Variants in PCDHA5 observed in about 807,000 individuals in gnomAD.
PCDHA5 encodes the protein protocadherin alpha-5.
In PCDHA5, 43 loss-of-function variants were observed where a neutral mutation model predicts 61.6. The ratio of observed to expected loss-of-function variants is 0.70; its 90% confidence interval spans 0.55 to 0.90. The LOEUF (loss-of-function observed/expected upper bound fraction) is 0.90. PCDHA5 is among the 40% of genes least tolerant of loss of function. The pLI is 0.00. For synonymous variants in PCDHA5, 627 were observed against 543.9 expected (o/e 1.15, Z -2.13); for missense variants, 1,298 against 1,222.7 (o/e 1.06, Z -0.92).
intron 1 of PCDHA5, chr5:140,867,574 C>T (rs1581813828): frequency 6.6e-6 from 1 of 152,044 alleles, no homozygotes; most frequent in East Asian, 1.9e-4. Context: ...TTCATATGCC[C>T]TTGCAGTATT....
intron 1 of PCDHA5, chr5:140,864,182 TA>T: frequency 6.6e-6 from 1 of 152,352 alleles, no homozygotes; most frequent in East Asian, 1.9e-4. Context: ...TCATGATGAA[TA>T]ATGATCCTTA....
intron 1 of PCDHA5, chr5:140,864,553 T>C (rs575186227): frequency 3.0e-4 from 45 of 152,314 alleles, no homozygotes; most frequent in African/African-American, 1.1e-3. Context: ...TTCTTATAAT[T>C]TCATTTTAGG....
chr5:140,959,060 T>C (rs1201389008), intron 1 of PCDHA5, among the ~76,000 whole-genome samples: 1 of 152,138 alleles, frequency 6.6e-6, no homozygotes, highest in Admixed American at 6.5e-5. Context: ...AAATGCAGTA[T>C]ATATAGAATT....
intron 1 of PCDHA5, chr5:140,967,116 G>A: frequency 1.2e-6 from 2 of 1,612,922 alleles, no homozygotes; most frequent in Non-Finnish European, 1.7e-6. Context: ...CGGCCTCGCT[G>A]CCTGCTCAGC....
intron 1 of PCDHA5, chr5:140,870,750 G>C: frequency 1.2e-6 from 2 of 1,613,506 alleles, no homozygotes; most frequent in Non-Finnish European, 1.7e-6. Flanking sequence ...GCAACGTGAC[G>C]CTGCAGGTGT....
chr5:140,933,739 G>A (rs531821370), intron 1 of PCDHA5, among the ~76,000 whole-genome samples: 18 of 151,856 alleles, frequency 1.2e-4, no homozygotes, highest in Admixed American at 3.9e-4. Flanking sequence ...TTAAATATTT[G>A]GTAGAATTCA....
In PCDHA5 at chr5:141,006,011, G is replaced by A. The variant is rs146101776; in HGVS notation, c.2501-3616G>A. Among the ~76,000 whole-genome samples the A allele has an allele frequency of 2.7e-3, 408 of 151,544 alleles. 2 individuals carry two copies. Among genetic ancestry groups the A allele is most frequent in the African/African-American group, 8.8e-3 (365 of 41,422 alleles). Reference sequence around the variant, plus strand: ...GAGGATCTGAAAGAAGGCCTGTATGGTTGGAGTATAATAGTAAGAGGGAGA... The same window carrying A: ...GAGGATCTGAAAGAAGGCCTGTATGATTGGAGTATAATAGTAAGAGGGAGA... On this transcript the variant is annotated intron_variant, in intron 3 of 3. Coordinates refer to ENST00000529859, the MANE Select transcript of PCDHA5 (RefSeq NM_018908.3).
intron 1 of PCDHA5, among the ~76,000 whole-genome samples, chr5:140,890,494 C>A (rs1554184398): frequency 1.3e-5 from 2 of 152,064 alleles, no homozygotes; most frequent in South Asian, 4.1e-4. Context: ...TTTGTCTCAC[C>A]ATTTTTATGT....
chr5:140,856,169 G>C lies in PCDHA5; in HGVS notation c.2352+32042G>C, dbSNP rs200441286. ...CTCAGTCTACGAGGAGGCCAGACAC[G>C]GCACCTTCGTGGGCCGCATCGCGCA... On this transcript the variant is annotated intron_variant, in intron 1 of 3. Coordinates refer to ENST00000529859, the MANE Select transcript of PCDHA5 (RefSeq NM_018908.3). 4 of 1,598,346 alleles carry C rather than the reference G, an allele frequency of 2.5e-6. 1 individual carries two copies. Among genetic ancestry groups the C allele is most frequent in the Non-Finnish European group, 3.4e-6 (4 of 1,167,908 alleles).
intron 3 of PCDHA5, among the ~76,000 whole-genome samples, chr5:140,997,684 G>A (rs2097780776): frequency 6.6e-6 from 1 of 152,116 alleles, no homozygotes; most frequent in African/African-American, 2.4e-5. Context: ...GTGTGTGTGT[G>A]TGTGTGTGTG....
intron 1 of PCDHA5, chr5:140,834,860 T>C: frequency 6.2e-7 from 1 of 1,610,304 alleles, no homozygotes; most frequent in Non-Finnish European, 8.5e-7. Flanking sequence ...GCGCGTCCGA[T>C]GCAGATATCG....
At chr5:140,884,461 G>C in intron 1 of PCDHA5, 3 of 1,613,764 alleles carry the variant, frequency 1.9e-6, no homozygotes, top group Non-Finnish European at 2.5e-6. Context: ...CCGAGGGCGC[G>C]TGCGCGCCGG....
Position 140,856,573 on chromosome 5 carries a change from G to A in PCDHA5, c.2352+32446G>A, listed in dbSNP as rs1168113677. 4.4e-6 allele frequency: 7 copies of A among 1,597,600 alleles called. No individual in the cohort carries two copies. The African/African-American group carries it at 5.4e-5, about 12-fold the overall frequency. ...TTACTTACAAACTCAGTCCAAATGA[G>A]TATTTTGTTCTTGATATTATAAACA... On this transcript the variant is annotated intron_variant, in intron 1 of 3. Transcript: ENST00000529859.
intron 1 of PCDHA5, chr5:140,868,793 C>T: frequency 3.1e-6 from 1 of 326,092 alleles, no homozygotes; most frequent in Non-Finnish European, 5.5e-6. Context: ...CTGAATATTC[C>T]ATAAATAAGC....
chr5:140,842,381 T>A (rs2150334920), intron 1 of PCDHA5: 1 of 1,610,534 alleles, frequency 6.2e-7, no homozygotes, highest in South Asian at 1.1e-5. Context: ...AGCACTGACT[T>A]CCTTATCCTT....
intron 1 of PCDHA5, among the ~76,000 whole-genome samples, chr5:140,889,446 TTAATC>T (rs1274795213): frequency 7.2e-5 from 11 of 152,204 alleles, no homozygotes; most frequent in African/African-American, 2.4e-4. Flanking sequence ...ATTTTCCTGT[TTAATC>T]TAAATTTTCA....
intron 1 of PCDHA5, chr5:140,927,539 A>G (rs1554204701): frequency 6.2e-7 from 1 of 1,614,112 alleles, no homozygotes; most frequent in Non-Finnish European, 8.5e-7. Flanking sequence ...CGCTCAGGAG[A>G]CGCACAAGTC....
intron 1 of PCDHA5, chr5:140,877,101 G>T (rs375706181): frequency 6.8e-6 from 11 of 1,613,354 alleles, no homozygotes; most frequent in Non-Finnish European, 9.3e-6. Flanking sequence ...CCGGCGTGCC[G>T]CCTCTGGGCA....
At chr5:140,847,405 A>T (rs2150400080) in intron 1 of PCDHA5, 5 of 149,702 alleles carry the variant, frequency 3.3e-5, no homozygotes, top group African/African-American at 1.2e-4. Context: ...GGCACAATAA[A>T]CACTCACGGT....
Sources: gnomAD v4.1 joint callset for allele counts (sites outside exome capture counted in the v4.1 genomes callset) on GRCh38, gnomAD v4.1.1 for gene constraint, MANE v1.5 for transcripts, NCBI Gene and HGNC (gene_info 2026-07-23, HGNC 2026-07-21) for gene names.